Variants in CFAP96 observed in about 807,000 individuals in gnomAD.
CFAP96 encodes the protein cilia and flagella associated protein 96.
chr4:185,442,353 A>G, the CFAP96 span, among the ~76,000 whole-genome samples: 2 of 151,966 alleles, frequency 1.3e-5, no homozygotes, highest in African/African-American at 4.8e-5. Flanking sequence ...TCCCTTGTAG[A>G]GTTTTGTATT....
At chr4:185,410,286 C>T in the CFAP96 span, among the ~76,000 whole-genome samples, 1 of 152,102 alleles carries the variant, frequency 6.6e-6, no homozygotes, top group Non-Finnish European at 1.5e-5. Flanking sequence ...AAACTAAAAT[C>T]CTTCAAATTA....
the CFAP96 span, among the ~76,000 whole-genome samples, chr4:185,428,466 G>C: frequency 6.6e-6 from 1 of 151,502 alleles, no homozygotes; most frequent in East Asian, 1.9e-4. Flanking sequence ...CAGCTACTCA[G>C]GTGGCTGAGG....
chr4:185,416,630 A>G, the CFAP96 span, among the ~76,000 whole-genome samples: 1 of 152,126 alleles, frequency 6.6e-6, no homozygotes, highest in African/African-American at 2.4e-5. Flanking sequence ...ATAGTATAAA[A>G]GTATAAAAGT....
chr4:185,448,277 T>A, the CFAP96 span, among the ~76,000 whole-genome samples: 2 of 152,190 alleles, frequency 1.3e-5, no homozygotes, highest in Non-Finnish European at 2.9e-5. Context: ...CGCCTCAGCC[T>A]CCCAAAGTGC....
At chr4:185,430,234 C>T in the CFAP96 span, among the ~76,000 whole-genome samples, 56 of 152,088 alleles carry the variant, frequency 3.7e-4, no homozygotes, top group Non-Finnish European at 6.9e-4. Flanking sequence ...ATAAAAAGAG[C>T]TAATATACAT....
the CFAP96 span, among the ~76,000 whole-genome samples, chr4:185,441,353 CAA>C: frequency 6.6e-6 from 1 of 151,492 alleles, no homozygotes; most frequent in African/African-American, 2.4e-5. Flanking sequence ...CTTTGTATTT[CAA>C]AGTTTATGTT....
the CFAP96 span, chr4:185,432,005 A>G: frequency 1.3e-6 from 2 of 1,551,500 alleles, no homozygotes; most frequent in Non-Finnish European, 1.7e-6. Flanking sequence ...GGCTGCAAGC[A>G]AAAATAAACA....
At chr4:185,432,132 G>C in the CFAP96 span, 6 of 1,551,782 alleles carry the variant, frequency 3.9e-6, no homozygotes, top group Non-Finnish European at 5.2e-6. Context: ...GTGAGGAGAC[G>C]GGATATGGTG....
the CFAP96 span, among the ~76,000 whole-genome samples, chr4:185,442,609 T>C: frequency 6.6e-6 from 1 of 152,170 alleles, no homozygotes. Flanking sequence ...TTCTCATATA[T>C]ATGTATTTTT....
At chr4:185,438,853 A>C in the CFAP96 span, among the ~76,000 whole-genome samples, 4 of 152,190 alleles carry the variant, frequency 2.6e-5, no homozygotes, top group Admixed American at 6.5e-5. Flanking sequence ...TGCCCTGTGA[A>C]TTAGGACATT....
At chr4:185,428,584 A>AAC in the CFAP96 span, among the ~76,000 whole-genome samples, 8 of 1,004 alleles carry the variant, frequency 8.0e-3, no homozygotes, top group African/African-American at 0.018. Context: ...CAACAACAAC[A>AAC]AAAAAAAAAG....
the CFAP96 span, chr4:185,429,384 A>G: frequency 7.8e-6 from 11 of 1,419,098 alleles, no homozygotes; most frequent in South Asian, 1.1e-4. Context: ...AGTTAGCGGT[A>G]TAGAGAGTAC....
chr4:185,448,584 C>A, the CFAP96 span, among the ~76,000 whole-genome samples: 1 of 152,176 alleles, frequency 6.6e-6, no homozygotes, highest in Non-Finnish European at 1.5e-5. Context: ...GTAATTTAAA[C>A]TGTTGTCTAC....
the CFAP96 span, among the ~76,000 whole-genome samples, chr4:185,408,741 G>C: frequency 6.6e-6 from 1 of 151,926 alleles, no homozygotes; most frequent in Non-Finnish European, 1.5e-5. Flanking sequence ...TATGACCTTG[G>C]AGCCTCATGG....
the CFAP96 span, chr4:185,415,841 C>T: frequency 6.2e-7 from 1 of 1,613,432 alleles, no homozygotes; most frequent in South Asian, 1.1e-5. Context: ...ACATTTCCAG[C>T]ATAAGATCTA....
chr4:185,431,976 T>C, the CFAP96 span: 1 of 1,547,254 alleles, frequency 6.5e-7, no homozygotes, highest in Non-Finnish European at 8.7e-7. Flanking sequence ...TAATTTATCT[T>C]TAAAGGACCC....
the CFAP96 span, chr4:185,436,504 G>A: frequency 6.1e-5 from 34 of 559,426 alleles, no homozygotes; most frequent in Non-Finnish European, 1.9e-5. Context: ...GAGGTCAGGA[G>A]TTCGAGACCA....
chr4:185,443,344 T>TATA, the CFAP96 span, among the ~76,000 whole-genome samples: 2 of 17,144 alleles, frequency 1.2e-4, no homozygotes, highest in African/African-American at 4.0e-4. Context: ...ATATATATAT[T>TATA]TTTTTTTTTT....
At chr4:185,429,972 A>G in the CFAP96 span, among the ~76,000 whole-genome samples, 1 of 152,230 alleles carries the variant, frequency 6.6e-6, no homozygotes, top group African/African-American at 2.4e-5. Flanking sequence ...GCACCCAGCA[A>G]GAAGGTGATT....
Sources: gnomAD v4.1 joint callset for allele counts (sites outside exome capture counted in the v4.1 genomes callset) on GRCh38, gnomAD v4.1.1 for gene constraint, MANE v1.5 for transcripts, NCBI Gene and HGNC (gene_info 2026-07-23, HGNC 2026-07-21) for gene names.